The following TRIM2 variants were observed in gnomAD, a reference collection of about 807,000 sequenced individuals.
TRIM2 encodes tripartite motif containing 2, also known as tripartite motif-containing protein 2.
A neutral mutation model predicts 75.2 loss-of-function variants in TRIM2; 20 were observed. The ratio of observed to expected loss-of-function variants is 0.27; its 90% confidence interval spans 0.19 to 0.39. The LOEUF (loss-of-function observed/expected upper bound fraction) is 0.39, where lower values mean the gene tolerates loss of function less well. Ranked by LOEUF, TRIM2 falls within the 10% of genes least tolerant of loss-of-function variation. The pLI, the probability that TRIM2 is intolerant of heterozygous loss-of-function variation, is 1.00. For missense variants in TRIM2, 660 were observed against 990.8 expected, an observed-to-expected ratio of 0.67 and a Z score of 4.48; for synonymous variants, 373 against 388.3, an observed-to-expected ratio of 0.96 and a Z score of 0.46.
Position 153,339,208 on chromosome 4 carries a change from A to G in TRIM2, c.*4242A>G, listed in dbSNP as rs1389173331. 5.1e-6 allele frequency: 5 copies of G among 985,606 alleles called. No homozygotes were observed. Among genetic ancestry groups the G allele is most frequent in the African/African-American group, 1.7e-5 (1 of 57,252 alleles). 61.1% of individuals were successfully genotyped at this position (985,606 alleles called of 1,614,324 possible). On this transcript the variant is annotated 3_prime_UTR_variant, in exon 12 of 12. Coordinates refer to ENST00000338700, the MANE Select transcript of TRIM2 (RefSeq NM_015271.5). ...AGTATTTTGGATGCTTTAGTCTACA[A>G]TGAAACTTTCAATTAATTCTGTCTT...
rs74483938 is a variant in TRIM2 at position 153,243,092 on chromosome 4, T to C, written c.31-27243T>C. ...CCAACTTCAAACACACCTCTGATTCTATGAAAGGATGACAGTCTTCTGCCT... is the reference window on the plus strand; with the variant it reads ...CCAACTTCAAACACACCTCTGATTCCATGAAAGGATGACAGTCTTCTGCCT... On this transcript the variant is annotated intron_variant, in intron 1 of 11. Transcript: ENST00000338700. Among the ~76,000 whole-genome samples the C allele has an allele frequency of 7.7e-3, 1,179 of 152,330 alleles. 16 individuals carry two copies. The East Asian group carries it at 0.08, about 10-fold the overall frequency.
intron 2 of TRIM2, among the ~76,000 whole-genome samples, chr4:153,271,945 T>G (rs1217763797): frequency 6.6e-6 from 1 of 152,132 alleles, no homozygotes; most frequent in Non-Finnish European, 1.5e-5. Context: ...TTCCTCACTC[T>G]GACAGGTGAG....
At chr4:153,311,822 A>G (rs1218406951) in intron 6 of TRIM2, among the ~76,000 whole-genome samples, 1 of 151,356 alleles carries the variant, frequency 6.6e-6, no homozygotes, top group Non-Finnish European at 1.5e-5. Flanking sequence ...AGCCTCCCAA[A>G]GTGCTGTGAT....
intron 3 of TRIM2, among the ~76,000 whole-genome samples, chr4:153,285,211 G>C (rs1286636145): frequency 6.6e-6 from 1 of 152,196 alleles, no homozygotes; most frequent in South Asian, 2.1e-4. Context: ...CCATTGAGCT[G>C]TGTTGACACC....
chr4:153,260,330 G>A (rs1753086097), intron 1 of TRIM2, among the ~76,000 whole-genome samples: 1 of 152,134 alleles, frequency 6.6e-6, no homozygotes, highest in Non-Finnish European at 1.5e-5. Flanking sequence ...CTGTCCCAGA[G>A]TGCTGTGAGA....
intron 1 of TRIM2, among the ~76,000 whole-genome samples, chr4:153,239,891 C>T (rs938573679): frequency 2.8e-5 from 4 of 143,334 alleles, no homozygotes; most frequent in Non-Finnish European, 4.5e-5. Flanking sequence ...GGCTGGAGTG[C>T]AGTGGCGTTA....
intron 1 of TRIM2, among the ~76,000 whole-genome samples, chr4:153,159,391 T>A (rs1729542788): frequency 6.9e-6 from 1 of 145,526 alleles, no homozygotes; most frequent in Non-Finnish European, 1.5e-5. Flanking sequence ...GCTGCTTGGT[T>A]CTGGACTCAA....
chr4:153,283,666 G>GGC (rs1553990069), intron 3 of TRIM2, among the ~76,000 whole-genome samples: 2 of 145,408 alleles, frequency 1.4e-5, no homozygotes, highest in African/African-American at 2.5e-5. Flanking sequence ...TTGAGACAGA[G>GGC]TTGCTCTTTT....
intron 2 of TRIM2, among the ~76,000 whole-genome samples, chr4:153,271,400 T>C (rs1328746602): frequency 6.6e-6 from 1 of 152,222 alleles, no homozygotes; most frequent in Non-Finnish European, 1.5e-5. Context: ...TACACAAATA[T>C]CTGATTTAAC....
intron 1 of TRIM2, among the ~76,000 whole-genome samples, chr4:153,235,880 G>A (rs1744904924): frequency 6.6e-6 from 1 of 152,046 alleles, no homozygotes; most frequent in South Asian, 2.1e-4. Flanking sequence ...AACATCCTGT[G>A]CTCACCTCCA....
chr4:153,250,572 G>A (rs1750627947), intron 1 of TRIM2, among the ~76,000 whole-genome samples: 1 of 152,196 alleles, frequency 6.6e-6, no homozygotes, highest in Admixed American at 6.5e-5. Flanking sequence ...ATTCCTCCTT[G>A]GATAGGGTTG....
At chr4:153,155,112 C>G (rs544633041) in intron 1 of TRIM2, among the ~76,000 whole-genome samples, 26 of 152,238 alleles carry the variant, frequency 1.7e-4, no homozygotes, top group African/African-American at 5.1e-4. Flanking sequence ...TGCACTCCAG[C>G]CTGGGCAACA....
At chr4:153,315,140 G>A (rs1247738331) in intron 6 of TRIM2, among the ~76,000 whole-genome samples, 1 of 152,194 alleles carries the variant, frequency 6.6e-6, no homozygotes, top group Non-Finnish European at 1.5e-5. Flanking sequence ...GTGCCATAGG[G>A]TAAAGTGGGA....
chr4:153,324,055 A>T, intron 9 of TRIM2, 23 bp from the exon 10 acceptor site: 1 of 1,601,786 alleles, frequency 6.2e-7, no homozygotes, highest in Non-Finnish European at 8.5e-7. Flanking sequence ...GTCATCACAT[A>T]TTTTTTTCCA....
chr4:153,335,046 A>T lies in TRIM2; in HGVS notation c.*80A>T. The T allele has an allele frequency of 1.5e-6, 2 of 1,365,086 alleles. No homozygotes were observed. Among genetic ancestry groups the T allele is most frequent in the Non-Finnish European group, 1.9e-6 (2 of 1,044,180 alleles). The allele number at this position is 1,365,086 out of a possible 1,614,324, so 84.6% of individuals were successfully genotyped here. On this transcript the variant is annotated 3_prime_UTR_variant, in exon 12 of 12. Transcript: ENST00000338700. ...TTTCTCAATGCGGGACCAGATTATG[A>T]CTAGAGTTTTTATGCCAGAAGGAAT... is the stretch of plus-strand genomic sequence containing the variant.
At position 153,337,028 on chromosome 4, in the gene TRIM2, T is replaced by C; in HGVS notation, c.*2062T>C. On this transcript the variant is annotated 3_prime_UTR_variant, in exon 12 of 12. Transcript: ENST00000338700. ...ACTCTTTTAGGCACTGGAAATACAG[T>C]GATGGACAAAACAGGTAAAAAATCG... 1.0e-6 allele frequency: 1 copy of C among 982,824 alleles called. No individual in the cohort carries two copies. The highest frequency in any genetic ancestry group is 1.7e-5 in the African/African-American group (1 of 57,292). 60.9% of individuals were successfully genotyped at this position (982,824 alleles called of 1,614,324 possible).
intron 1 of TRIM2, among the ~76,000 whole-genome samples, chr4:153,211,960 C>T (rs978513067): frequency 3.9e-5 from 6 of 152,156 alleles, no homozygotes; most frequent in East Asian, 3.8e-4. Flanking sequence ...ATCTTTTCCC[C>T]GGTAGATGGA....
chr4:153,171,170 G>A (rs1730813351), intron 1 of TRIM2, among the ~76,000 whole-genome samples: 1 of 152,120 alleles, frequency 6.6e-6, no homozygotes, highest in South Asian at 2.1e-4. Flanking sequence ...ATGCCCAGGT[G>A]GCCAAATGTA....
intron 1 of TRIM2, among the ~76,000 whole-genome samples, chr4:153,205,732 C>T (rs1239115015): frequency 6.6e-6 from 1 of 152,222 alleles, no homozygotes; most frequent in Non-Finnish European, 1.5e-5. Flanking sequence ...ATTCCCTCAA[C>T]TTGTATCTAT....
Sources: gnomAD v4.1 joint callset for allele counts (sites outside exome capture counted in the v4.1 genomes callset) on GRCh38, gnomAD v4.1.1 for gene constraint, MANE v1.5 for transcripts, NCBI Gene and HGNC (gene_info 2026-07-23, HGNC 2026-07-21) for gene names.